Variants in NSRP1 observed in about 807,000 individuals in gnomAD.
The protein encoded by NSRP1 is nuclear speckle splicing regulatory protein 1, also known as coiled-coil domain containing 55.
In NSRP1, 24 loss-of-function variants were observed where a neutral mutation model predicts 54.7. That is an observed-to-expected ratio of 0.44 (90% CI 0.32 to 0.62). NSRP1 has a LOEUF of 0.62. NSRP1 is among the 20% of genes least tolerant of loss of function. The pLI is 0.06. For synonymous variants in NSRP1, 210 were observed against 213.8 expected (o/e 0.98, Z 0.15); for missense variants, 596 against 651.2 (o/e 0.92, Z 0.92).
intron 2 of NSRP1, among the ~76,000 whole-genome samples, chr17:30,152,983 A>G (rs2071927989): frequency 7.5e-6 from 1 of 133,404 alleles, no homozygotes; most frequent in Non-Finnish European, 1.5e-5. Context: ...ATCTCAGCTC[A>G]CTGCACTGCA....
chr17:30,178,212 A>C lies in NSRP1; in HGVS notation c.300+13A>C. ...GAAAGACAGAAAGGTTTGTAAGCTG[A>C]AATAACAAACTTTCTTTGACCTTGA... On this transcript the variant is annotated intron_variant, in intron 4 of 6. Transcript: ENST00000247026. The C allele has an allele frequency of 6.3e-7, 1 of 1,587,720 alleles. No homozygotes were observed. The highest frequency in any genetic ancestry group is 8.5e-7 in the Non-Finnish European group (1 of 1,173,610).
chr17:30,145,872 C>T (rs1053201636), intron 2 of NSRP1, among the ~76,000 whole-genome samples: 15 of 152,014 alleles, frequency 9.9e-5, no homozygotes, highest in Non-Finnish European at 1.8e-4. Context: ...TTGTTTTAGA[C>T]AAGGACCCAC....
chr17:30,122,129 CTTTA>C (rs2071603391), intron 2 of NSRP1, among the ~76,000 whole-genome samples: 2 of 151,600 alleles, frequency 1.3e-5, no homozygotes, highest in South Asian at 2.1e-4. Context: ...TGTCAGTACT[CTTTA>C]TTTCTTTTTT....
At chr17:30,128,602 G>A (rs555542419) in intron 2 of NSRP1, among the ~76,000 whole-genome samples, 1 of 152,234 alleles carries the variant, frequency 6.6e-6, no homozygotes, top group East Asian at 1.9e-4. Flanking sequence ...TCAGGAGACA[G>A]AAACCTTGCC....
intron 2 of NSRP1, among the ~76,000 whole-genome samples, chr17:30,123,901 A>C (rs1278122798): frequency 6.6e-6 from 1 of 152,148 alleles, no homozygotes; most frequent in Non-Finnish European, 1.5e-5. Context: ...TATAAAAATC[A>C]CTTACTATGG....
chr17:30,173,619 A>T (rs1905031721), intron 3 of NSRP1, among the ~76,000 whole-genome samples: 1 of 152,234 alleles, frequency 6.6e-6, no homozygotes, highest in Admixed American at 6.5e-5. Context: ...AAGTTTATTA[A>T]GCACTTTCTA....
At chr17:30,150,148 T>A (rs2071892596) in intron 2 of NSRP1, 1 of 152,158 alleles carries the variant, frequency 6.6e-6, no homozygotes, top group Non-Finnish European at 1.5e-5. Flanking sequence ...TGGCGCAATC[T>A]CGGCTTACTG....
At chr17:30,130,778 TG>T (rs2151880404) in intron 2 of NSRP1, among the ~76,000 whole-genome samples, 1 of 152,326 alleles carries the variant, frequency 6.6e-6, no homozygotes, top group East Asian at 1.9e-4. Context: ...AGGAATACAC[TG>T]TTTCTTTTTC....
intron 2 of NSRP1, 79 bp from the exon 3 acceptor site, chr17:30,172,462 TA>T: frequency 9.5e-7 from 1 of 1,051,140 alleles, no homozygotes; most frequent in Non-Finnish European, 1.4e-6. Context: ...TGGTCCCATG[TA>T]TTTTAGATAG....
intron 2 of NSRP1, among the ~76,000 whole-genome samples, chr17:30,126,730 G>A (rs927846365): frequency 6.6e-6 from 1 of 152,174 alleles, no homozygotes; most frequent in African/African-American, 2.4e-5. Context: ...TGGGACCACC[G>A]GTGCGAGACA....
At chr17:30,170,906 GA>G (rs1904907041) in intron 2 of NSRP1, among the ~76,000 whole-genome samples, 1 of 152,110 alleles carries the variant, frequency 6.6e-6, no homozygotes, top group South Asian at 2.1e-4. Context: ...CAGTATATAA[GA>G]ATTCCCTTTT....
At chr17:30,168,622 A>G (rs114220053) in intron 2 of NSRP1, among the ~76,000 whole-genome samples, 2,097 of 149,394 alleles carry the variant, frequency 0.014, 47 homozygotes, top group African/African-American at 0.046. Context: ...ATAAAATAAA[A>G]TAAGTATCTG....
rs12950401 is a variant in NSRP1, at chr17:30,185,061, A to G, written c.1064A>G (p.His355Arg). 1.9e-6 allele frequency: 3 copies of G among 1,614,190 alleles called. No homozygotes were observed. Among genetic ancestry groups the G allele is most frequent in the East Asian group, 4.5e-5 (2 of 44,884 alleles). ...AGAGAGGCCAGTCATAGAGATTCCC[A>G]TTGGAAGAGGCATGAACAGGAAGAT... is the stretch of plus-strand genomic sequence containing the variant. ...RHREASHRDS[H>R]WKRHEQEDKP... Residue 355 changes from histidine to arginine, a missense_variant, in exon 7 of 7, where the codon CAT becomes CGT. His to Arg is a conservative substitution (Grantham distance 29). Transcript: ENST00000247026.
At position 30,184,821 on chromosome 17, in the gene NSRP1, C is replaced by T; in HGVS notation, c.824C>T (p.Thr275Ile). The change falls in exon 7 of 7, where the codon ACC (threonine) becomes ATC (isoleucine). Residue 275 changes from threonine (T) to isoleucine (I), a missense_variant. By Grantham distance (89) the Thr-to-Ile change is moderately conservative. Transcript: ENST00000247026. ...VNCRREKVIE[T>I]PENDFKHHRS... ...TGCAGAAGGGAAAAGGTCATAGAGA[C>T]CCCTGAGAATGACTTCAAGCACCAC... The T allele has an allele frequency of 6.2e-7, 1 of 1,613,958 alleles. No homozygotes were observed. The highest frequency in any genetic ancestry group is 1.6e-4 in the Middle Eastern group (1 of 6,062).
intron 3 of NSRP1, among the ~76,000 whole-genome samples, chr17:30,175,413 T>C (rs971807850): frequency 1.1e-4 from 16 of 151,984 alleles, no homozygotes; most frequent in African/African-American, 3.4e-4. Flanking sequence ...TTGGGGTTTT[T>C]TGTTTTGTTT....
chr17:30,141,312 C>A (rs550090317), intron 2 of NSRP1, among the ~76,000 whole-genome samples: 1 of 152,232 alleles, frequency 6.6e-6, no homozygotes, highest in South Asian at 2.1e-4. Context: ...ATGCCACAGG[C>A]TTTTATTTAG....
At chr17:30,128,780 C>T (rs1406120076) in intron 2 of NSRP1, among the ~76,000 whole-genome samples, 7 of 151,976 alleles carry the variant, frequency 4.6e-5, no homozygotes, top group Non-Finnish European at 8.8e-5. Context: ...TGCAATACTA[C>T]GGCTATCACA....
At chr17:30,121,568 G>GT (rs1232052805) in intron 2 of NSRP1, among the ~76,000 whole-genome samples, 8 of 136,850 alleles carry the variant, frequency 5.8e-5, no homozygotes, top group Non-Finnish European at 1.2e-4. Flanking sequence ...GTGTGTGTGT[G>GT]TGTTTTTTTT....
intron 2 of NSRP1, chr17:30,150,693 T>G (rs1597607369): frequency 3.0e-5 from 4 of 133,904 alleles, no homozygotes; most frequent in South Asian, 2.8e-4. Flanking sequence ...GGTTTTTTTT[T>G]TTTTTTTTTT....
Sources: gnomAD v4.1 joint callset for allele counts (sites outside exome capture counted in the v4.1 genomes callset) on GRCh38, gnomAD v4.1.1 for gene constraint, MANE v1.5 for transcripts, NCBI Gene and HGNC (gene_info 2026-07-23, HGNC 2026-07-21) for gene names.